Variants in LRRC9 observed in about 807,000 individuals in gnomAD.
LRRC9 encodes leucine rich repeat containing 9, also known as leucine-rich repeat-containing protein 9.
A neutral mutation model predicts 63.2 loss-of-function variants in LRRC9; 122 were observed. The observed-to-expected ratio is 1.93, with a 90% CI of 1.67 to 2.24. The LOEUF (loss-of-function observed/expected upper bound fraction) is 2.24. Ranked by LOEUF, LRRC9 falls within the 30% of genes most tolerant of loss-of-function variation. The pLI is 0.00. For missense variants in LRRC9, 1,071 were observed against 627.7 expected, an observed-to-expected ratio of 1.71 and a Z score of -7.55; for synonymous variants, 366 against 213.1, an observed-to-expected ratio of 1.72 and a Z score of -6.25.
intron 12 of LRRC9, among the ~76,000 whole-genome samples, chr14:59,971,863 C>T (rs1394137325): frequency 6.6e-6 from 1 of 152,166 alleles, no homozygotes; most frequent in African/African-American, 2.4e-5. Context: ...ATAGGCAACA[C>T]TGCCCTTGGT....
At chr14:59,981,815 C>T (rs1018851554) in intron 15 of LRRC9, 33 bp from the exon 16 acceptor site, 4 of 665,882 alleles carry the variant, frequency 6.0e-6, no homozygotes, top group Non-Finnish European at 8.0e-6. Context: ...AATACAGCAA[C>T]TGATTTTGCA....
chr14:60,045,051 CTTTT>C (rs200934262), intron 29 of LRRC9, among the ~76,000 whole-genome samples: 7 of 118,910 alleles, frequency 5.9e-5, no homozygotes, highest in East Asian at 2.4e-4. Context: ...CTTTCCTTGT[CTTTT>C]TTTTTTTTTT....
At chr14:59,977,823 G>GA (rs530338992) in intron 14 of LRRC9, among the ~76,000 whole-genome samples, 194 bp from the exon 15 acceptor site, 1 of 151,692 alleles carries the variant, frequency 6.6e-6, no homozygotes, top group Admixed American at 6.6e-5. Flanking sequence ...AAGGATGAAA[G>GA]AAAAAATCCT....
chr14:60,024,840 T>A (rs115464464), intron 27 of LRRC9, among the ~76,000 whole-genome samples: 3,833 of 151,790 alleles, frequency 0.025, 115 homozygotes, highest in African/African-American at 0.079. Context: ...CTCCCCCTTT[T>A]TGCGGTGTAC....
chr14:59,995,251 G>T (rs1888635290), intron 17 of LRRC9, among the ~76,000 whole-genome samples: 1 of 152,202 alleles, frequency 6.6e-6, no homozygotes. Flanking sequence ...CAGGAAAAGA[G>T]AATATCTGGG....
intron 29 of LRRC9, among the ~76,000 whole-genome samples, chr14:60,044,848 C>T (rs1438261883): frequency 6.6e-6 from 1 of 152,034 alleles, no homozygotes; most frequent in Non-Finnish European, 1.5e-5. Flanking sequence ...TATTAACGTT[C>T]TGTCTGGATG....
chr14:60,035,420 C>T (rs149922828), intron 29 of LRRC9, among the ~76,000 whole-genome samples: 1 of 152,134 alleles, frequency 6.6e-6, no homozygotes, highest in African/African-American at 2.4e-5. Flanking sequence ...AATATTTGCC[C>T]AAATCAATGT....
Position 59,958,701 on chromosome 14 carries a change from G to A in LRRC9, c.883-1117G>A, listed in dbSNP as rs1022396687. ...AAAATACTCCTGCAGCTAGCTCAGT[G>A]TCTGCCCAAACAGCCACCCAGTTTT... On this transcript the variant is annotated intron_variant, in intron 8 of 31. Coordinates refer to ENST00000445360, the Ensembl canonical transcript of LRRC9. The surrounding 1 kb of genome is among the most constrained non-coding windows in gnomAD (Gnocchi z 4.0). Among the ~76,000 whole-genome samples the A allele has an allele frequency of 1.3e-5, 2 of 152,256 alleles. No homozygotes were observed. The highest frequency in any genetic ancestry group is 2.4e-5 in the African/African-American group (1 of 41,472).
At position 59,984,977 on chromosome 14, in the gene LRRC9, T is replaced by G. The variant is rs1887308915; in HGVS notation, c.2092-128T>G. ...GACTGTTTCTTAATGCTATTTAAAA[T>G]AACTGCTTTCTTATTTTGTAGTATA... is the stretch of plus-strand genomic sequence containing the variant. On this transcript the variant is annotated intron_variant, in intron 16 of 31. Coordinates refer to ENST00000445360, the Ensembl canonical transcript of LRRC9. 9.2e-6 allele frequency: 4 copies of G among 432,974 alleles called. No individual in the cohort carries two copies. In the South Asian group the frequency reaches 2.6e-4, roughly 28 times the overall value. The allele number at this position is 432,974 out of a possible 1,614,324, so 26.8% of individuals were successfully genotyped here.
At position 60,053,025 on chromosome 14, in the gene LRRC9, A is replaced by G. The variant is rs1299321418; in HGVS notation, c.3991-40A>G. 3.0e-6 allele frequency: 2 copies of G among 677,462 alleles called. No homozygotes were observed. Among genetic ancestry groups the G allele is most frequent in the South Asian group, 3.2e-5 (2 of 62,988 alleles). The allele number at this position is 677,462 out of a possible 1,614,324, so 42.0% of individuals were successfully genotyped here. A position where few individuals can be genotyped will look rare whatever the true frequency, so the allele number is the denominator to read the frequency against. On this transcript the variant is annotated intron_variant, in intron 29 of 31. Transcript: ENST00000445360. The surrounding 1 kb of genome is among the most constrained non-coding windows in gnomAD (Gnocchi z 4.8). ...TATACAGGTTAATCTTTGAAATAAA[A>G]GTTTTGTAGGAATAAATTGTTATTT...
At chr14:60,032,191 A>T (rs1478038099) in intron 29 of LRRC9, 128 bp downstream of exon 29, 1 of 559,846 alleles carries the variant, frequency 1.8e-6, no homozygotes, top group African/African-American at 1.9e-5. Context: ...CCCAGCCCAA[A>T]TTTATTGACT....
rs184358867 is a variant in LRRC9 at position 60,019,325 on chromosome 14, C to T, written c.3566+65C>T. The T allele has an allele frequency of 7.2e-5, 44 of 609,350 alleles. No individual in the cohort carries two copies. The East Asian group carries it at 1.3e-3, about 18-fold the overall frequency. The allele number at this position is 609,350 out of a possible 1,614,324, so 37.7% of individuals were successfully genotyped here. A position where few individuals can be genotyped will look rare whatever the true frequency, so the allele number is the denominator to read the frequency against. On this transcript the variant is annotated intron_variant, in intron 26 of 31. Coordinates refer to ENST00000445360, the Ensembl canonical transcript of LRRC9. ...TGGGAATTTTAAAAGCAGTTAATCA[C>T]ATTAATGATAGCAGTAACACATTCC...
intron 1 of LRRC9, among the ~76,000 whole-genome samples, chr14:59,921,894 G>T (rs866398561): frequency 1.3e-5 from 2 of 151,920 alleles, no homozygotes; most frequent in Middle Eastern, 3.4e-3. Flanking sequence ...GATTAGCCTG[G>T]CCAATATGGT....
intron 26 of LRRC9, among the ~76,000 whole-genome samples, chr14:60,020,046 C>T (rs930972207): frequency 2.6e-5 from 4 of 151,778 alleles, no homozygotes; most frequent in Admixed American, 2.0e-4. Context: ...TGTATTCAAT[C>T]ATAAAACCTC....
intron 19 of LRRC9, among the ~76,000 whole-genome samples, chr14:60,001,168 T>G (rs1889324203): frequency 6.6e-6 from 1 of 151,888 alleles, no homozygotes; most frequent in Non-Finnish European, 1.5e-5. Context: ...TTGACATTAT[T>G]CAGTAAAGCT....
At position 59,999,195 on chromosome 14, in the gene LRRC9, T is replaced by C. The variant is rs976793085; in HGVS notation, c.2498T>C (p.Met833Thr). ...TCTGAAGAAGAAGCAACAGCAGCTA[T>C]GAAATTTATTGCAGGAACAAGGATT... Residue 833 changes from methionine to threonine, a missense_variant, in exon 19 of 32, where the codon ATG becomes ACG. Coordinates refer to ENST00000445360, the Ensembl canonical transcript of LRRC9. 7.1e-6 allele frequency: 5 copies of C among 701,396 alleles called. No individual in the cohort carries two copies. The African/African-American group carries it at 8.7e-5, about 12-fold the overall frequency. The allele number at this position is 701,396 out of a possible 1,614,324, so 43.4% of individuals were successfully genotyped here.
intron 15 of LRRC9, among the ~76,000 whole-genome samples, chr14:59,981,221 T>A (rs1383774940): frequency 1.3e-5 from 2 of 152,210 alleles, no homozygotes; most frequent in Admixed American, 1.3e-4. Flanking sequence ...ATTTTTATTT[T>A]AATAATTGTT....
At chr14:59,949,472 T>C (rs1348782714) in intron 8 of LRRC9, among the ~76,000 whole-genome samples, 5 of 150,646 alleles carry the variant, frequency 3.3e-5, no homozygotes, top group Admixed American at 6.6e-5. Context: ...CCTGGATTCA[T>C]TGATTTTTTG....
intron 14 of LRRC9, among the ~76,000 whole-genome samples, chr14:59,977,787 T>A (rs1886469264): frequency 6.6e-6 from 1 of 151,980 alleles, no homozygotes; most frequent in Admixed American, 6.6e-5. Flanking sequence ...TAAAAAGTAT[T>A]TATATAATTA....
Sources: allele counts gnomAD v4.1 joint callset (sites outside exome capture counted in the v4.1 genomes callset), GRCh38; gene constraint gnomAD v4.1.1; non-coding constraint Gnocchi (gnomAD v3.1); transcripts MANE v1.5; gene names NCBI Gene and HGNC (gene_info 2026-07-23, HGNC 2026-07-21).